Variants in OPCML observed in about 807,000 individuals in gnomAD.
The protein encoded by OPCML is opioid-binding protein/cell adhesion molecule.
Under a neutral mutation model 37.8 loss-of-function variants are expected in OPCML, and 13 were observed. The observed-to-expected ratio is 0.34, with a 90% CI of 0.22 to 0.55. OPCML has a LOEUF of 0.55. Among genes scored for constraint, OPCML ranks in the 20% least tolerant of loss-of-function variants. The pLI, the probability that OPCML is intolerant of heterozygous loss-of-function variation, is 0.91. For synonymous variants in OPCML, 176 were observed against 168.8 expected, an observed-to-expected ratio of 1.04 and a Z score of -0.33; for missense variants, 341 against 435.6, an observed-to-expected ratio of 0.78 and a Z score of 1.93.
At chr11:133,326,406 AGTGGGT>A (rs1249899625) in intron 1 of OPCML, among the ~76,000 whole-genome samples, 1 of 121,178 alleles carries the variant, frequency 8.3e-6, no homozygotes, top group African/African-American at 3.3e-5. Flanking sequence ...GTGTGGAAAC[AGTGGGT>A]GTGGATATGC....
At chr11:132,531,754 C>T (rs1280179015) in intron 3 of OPCML, among the ~76,000 whole-genome samples, 1 of 94,566 alleles carries the variant, frequency 1.1e-5, no homozygotes, top group African/African-American at 7.7e-5. Context: ...CATGTTCTAC[C>T]CGTTTTTTTT....
intron 1 of OPCML, among the ~76,000 whole-genome samples, chr11:133,445,648 T>G (rs1054154402): frequency 6.6e-6 from 1 of 152,158 alleles, no homozygotes; most frequent in African/African-American, 2.4e-5. Flanking sequence ...GGATCCAACT[T>G]AGGAAAAGGA....
intron 1 of OPCML, among the ~76,000 whole-genome samples, chr11:133,458,154 A>ATATATATATACATATACATATATGTG (rs1407846974): frequency 9.2e-6 from 1 of 108,610 alleles, no homozygotes; most frequent in Non-Finnish European, 2.1e-5. Context: ...TTGAGAAAAA[A>ATATATATATACATATACATATATGTG]TATATATATA....
intron 1 of OPCML, among the ~76,000 whole-genome samples, chr11:133,035,289 A>G (rs1947757414): frequency 6.6e-6 from 1 of 152,188 alleles, no homozygotes; most frequent in Admixed American, 6.5e-5. Flanking sequence ...CATCAACCAC[A>G]AAAGTAATAT....
intron 1 of OPCML, among the ~76,000 whole-genome samples, chr11:133,515,497 G>T (rs1402107576): frequency 6.6e-6 from 1 of 152,146 alleles, no homozygotes; most frequent in Non-Finnish European, 1.5e-5. Flanking sequence ...GAGTGCCGGG[G>T]TTGAAAAGCC....
chr11:132,696,860 A>G (rs1435245966), intron 2 of OPCML, among the ~76,000 whole-genome samples: 1 of 152,208 alleles, frequency 6.6e-6, no homozygotes, highest in Non-Finnish European at 1.5e-5. Context: ...GAAATAGAAG[A>G]AAATGTTACC....
intron 2 of OPCML, among the ~76,000 whole-genome samples, chr11:132,853,915 G>A (rs1324302739): frequency 6.6e-6 from 1 of 152,142 alleles, no homozygotes; most frequent in African/African-American, 2.4e-5. Context: ...CAGTTAAATT[G>A]TGTTAATTGT....
chr11:132,604,843 A>G (rs1280981928), intron 3 of OPCML, among the ~76,000 whole-genome samples: 1 of 152,208 alleles, frequency 6.6e-6, no homozygotes, highest in African/African-American at 2.4e-5. Context: ...TAGAGGGTAT[A>G]GTGAAGCATT....
intron 2 of OPCML, among the ~76,000 whole-genome samples, chr11:132,719,719 GA>G (rs1291309151): frequency 6.6e-6 from 1 of 152,286 alleles, no homozygotes; most frequent in African/African-American, 2.4e-5. Flanking sequence ...CCTTTATATT[GA>G]AATAAAAAGC....
chr11:132,717,860 C>T (rs1237132576), intron 2 of OPCML, among the ~76,000 whole-genome samples: 2 of 152,212 alleles, frequency 1.3e-5, no homozygotes, highest in East Asian at 1.9e-4. Flanking sequence ...AGTCAATAAG[C>T]TGTGCTGTGT....
chr11:132,614,479 C>A (rs541973005), intron 3 of OPCML, among the ~76,000 whole-genome samples: 2 of 152,160 alleles, frequency 1.3e-5, no homozygotes, highest in African/African-American at 4.8e-5. Context: ...CGTCCCTCTG[C>A]GGGCCTCTGC....
In OPCML at chr11:133,160,472, G is replaced by C. The variant is rs373362532; in HGVS notation, c.62-217462C>G. Among the ~76,000 whole-genome samples the C allele has an allele frequency of 1.1e-4, 16 of 152,322 alleles. No homozygotes were observed. The East Asian group carries it at 2.5e-3, about 24-fold the overall frequency. On this transcript the variant is annotated intron_variant, in intron 1 of 7. Coordinates refer to ENST00000524381, the MANE Select transcript of OPCML (RefSeq NM_001012393.5). ...GACAGATTGTTCTGGAAACTGACCT[G>C]CTTGCTACATTTGCCCTGAGCCTTC...
chr11:133,154,884 T>G (rs1323868566), intron 1 of OPCML, among the ~76,000 whole-genome samples: 1 of 152,206 alleles, frequency 6.6e-6, no homozygotes, highest in African/African-American at 2.4e-5. Context: ...CTGCATTGCC[T>G]TGAATTGCAA....
chr11:133,185,213 C>T (rs1291147983), intron 1 of OPCML, among the ~76,000 whole-genome samples: 2 of 152,188 alleles, frequency 1.3e-5, no homozygotes, highest in Non-Finnish European at 2.9e-5. Context: ...CAAGAACTGA[C>T]ACCCATAATC....
chr11:133,203,121 A>C (rs748541916), intron 1 of OPCML, among the ~76,000 whole-genome samples: 1 of 152,204 alleles, frequency 6.6e-6, no homozygotes, highest in Non-Finnish European at 1.5e-5. Flanking sequence ...CGAGATGATA[A>C]ATAACAAAGC....
In OPCML at chr11:132,919,405, C is replaced by A. The variant is rs182836551; in HGVS notation, c.146+23521G>T. Among the ~76,000 whole-genome samples, 27 of 152,202 alleles carry A rather than the reference C, an allele frequency of 1.8e-4. No homozygotes were observed. In the East Asian group the frequency reaches 4.8e-3, roughly 27 times the overall value. On this transcript the variant is annotated intron_variant, in intron 2 of 7. Coordinates refer to ENST00000524381, the MANE Select transcript of OPCML (RefSeq NM_001012393.5). ...TTGAGGCCCGGCAGGGTCCAGATGA[C>A]CCTGACCCAGGCTGAAGTCTGGGAA...
chr11:132,599,371 GGAA>G (rs1379465231), intron 3 of OPCML, among the ~76,000 whole-genome samples: 2 of 12,206 alleles, frequency 1.6e-4, no homozygotes, highest in African/African-American at 9.0e-4. Context: ...AGGAGGAGGA[GGAA>G]GAAGGAGGAA....
chr11:133,148,630 C>A (rs544293395), intron 1 of OPCML, among the ~76,000 whole-genome samples: 1 of 151,764 alleles, frequency 6.6e-6, no homozygotes, highest in South Asian at 2.1e-4. Context: ...CTGCAGGGGG[C>A]GAAGAACTGA....
chr11:132,690,800 G>A (rs1943371310), intron 2 of OPCML, among the ~76,000 whole-genome samples: 1 of 152,198 alleles, frequency 6.6e-6, no homozygotes, highest in Non-Finnish European at 1.5e-5. Context: ...GGAACTCATT[G>A]CTCACCTCAA....
Sources: allele counts gnomAD v4.1 joint callset (sites outside exome capture counted in the v4.1 genomes callset), GRCh38; gene constraint gnomAD v4.1.1; transcripts MANE v1.5; gene names NCBI Gene and HGNC (gene_info 2026-07-23, HGNC 2026-07-21).